FOXP2: variants seen among roughly 807,000 people sequenced by gnomAD.
FOXP2 encodes forkhead box P2.
A neutral mutation model predicts 115.8 loss-of-function variants in FOXP2; 12 were observed. The observed-to-expected ratio is 0.10, with a 90% CI of 0.07 to 0.17. The LOEUF (loss-of-function observed/expected upper bound fraction) is 0.17, where lower values mean the gene tolerates loss of function less well. Ranked by LOEUF, FOXP2 falls within the 10% of genes least tolerant of loss-of-function variation. The pLI, the probability that FOXP2 is intolerant of heterozygous loss-of-function variation, is 1.00. For missense variants in FOXP2, 629 were observed against 843.5 expected (o/e 0.75, Z 3.15); for synonymous variants, 328 against 297.7 (o/e 1.10, Z -1.05).
At chr7:114,271,964 T>TTATATATAA (rs1796067499) in intron 1 of FOXP2, among the ~76,000 whole-genome samples, 1 of 133,368 alleles carries the variant, frequency 7.5e-6, no homozygotes. Flanking sequence ...ATTATATTAA[T>TTATATATAA]TATATATAAT....
chr7:114,655,109 T>G (rs6942949), intron 10 of FOXP2, among the ~76,000 whole-genome samples: 9,227 of 152,192 alleles, frequency 0.061, 300 homozygotes, highest in South Asian at 0.096. Context: ...CTCTAAAATG[T>G]CTGAGTTTTT....
At chr7:114,605,409 G>A (rs1179767636) in intron 3 of FOXP2, among the ~76,000 whole-genome samples, 1 of 152,084 alleles carries the variant, frequency 6.6e-6, no homozygotes, top group African/African-American at 2.4e-5. Context: ...CCCCTACTAT[G>A]TGCAAAAGCA....
At chr7:114,417,868 A>T (rs1355520035) in intron 1 of FOXP2, among the ~76,000 whole-genome samples, 1 of 151,938 alleles carries the variant, frequency 6.6e-6, no homozygotes, top group African/African-American at 2.4e-5. Context: ...GCATTCTTAC[A>T]CTTGGAAATG....
intron 1 of FOXP2, among the ~76,000 whole-genome samples, chr7:114,184,995 A>G (rs1385807987): frequency 1.3e-5 from 2 of 152,154 alleles, no homozygotes; most frequent in African/African-American, 4.8e-5. Context: ...CATATGATTC[A>G]CTGCCTTCAT....
At chr7:114,090,027 GACGTTTTTGGATTTC>G (rs1255034921) in intron 1 of FOXP2, among the ~76,000 whole-genome samples, 14 of 152,018 alleles carry the variant, frequency 9.2e-5, no homozygotes, top group African/African-American at 3.4e-4. Context: ...TTTTATTTGT[GACGTTTTTGGATTTC>G]TATCTGGGTC....
chr7:114,327,636 G>A (rs1797592087), intron 2 of FOXP2, among the ~76,000 whole-genome samples: 1 of 151,650 alleles, frequency 6.6e-6, no homozygotes, highest in South Asian at 2.1e-4. Flanking sequence ...TGAATAGCTG[G>A]GACTAGAGGC....
intron 1 of FOXP2, among the ~76,000 whole-genome samples, chr7:114,133,812 T>G (rs920073318): frequency 1.3e-5 from 2 of 152,192 alleles, no homozygotes; most frequent in Non-Finnish European, 2.9e-5. Flanking sequence ...ATCCTTCAGG[T>G]CTTCCTCTCT....
At chr7:114,315,730 C>G (rs1447592499) in intron 2 of FOXP2, among the ~76,000 whole-genome samples, 1 of 152,100 alleles carries the variant, frequency 6.6e-6, no homozygotes, top group Non-Finnish European at 1.5e-5. Flanking sequence ...TGAACCATTG[C>G]TCCTCAGAGG....
chr7:114,153,487 A>T (rs1792577288), intron 1 of FOXP2, among the ~76,000 whole-genome samples: 1 of 152,144 alleles, frequency 6.6e-6, no homozygotes, highest in African/African-American at 2.4e-5. Flanking sequence ...AATTATGTTT[A>T]AATGTGTTTC....
intron 1 of FOXP2, among the ~76,000 whole-genome samples, chr7:114,100,035 G>A (rs985889657): frequency 5.3e-5 from 8 of 151,862 alleles, no homozygotes; most frequent in South Asian, 4.1e-4. Context: ...CTTTAAAAAC[G>A]CACAATAAAA....
intron 1 of FOXP2, among the ~76,000 whole-genome samples, chr7:114,094,645 C>T (rs1799606214): frequency 6.6e-6 from 1 of 152,036 alleles, no homozygotes; most frequent in Non-Finnish European, 1.5e-5. Context: ...CCCCTCTTTT[C>T]CTCTTTTAAA....
chr7:114,237,527 CAT>C (rs1795042235), intron 1 of FOXP2, among the ~76,000 whole-genome samples: 1 of 152,128 alleles, frequency 6.6e-6, no homozygotes, highest in South Asian at 2.1e-4. Flanking sequence ...TTATGGGAAA[CAT>C]AGATTAGAAA....
At chr7:114,643,433 T>C (rs1193693764) in intron 7 of FOXP2, among the ~76,000 whole-genome samples, 1 of 152,188 alleles carries the variant, frequency 6.6e-6, no homozygotes, top group Non-Finnish European at 1.5e-5. Flanking sequence ...GCCTTTTTAA[T>C]TGTTGCATGA....
chr7:114,550,306 C>T (rs1299551123), intron 3 of FOXP2, among the ~76,000 whole-genome samples: 4 of 151,708 alleles, frequency 2.6e-5, no homozygotes, highest in African/African-American at 9.7e-5. Context: ...TTAGTAGAGA[C>T]GGGGTTTCAC....
chr7:114,679,719 A>G (rs1327173664), intron 16 of FOXP2, among the ~76,000 whole-genome samples: 1 of 151,892 alleles, frequency 6.6e-6, no homozygotes, highest in Non-Finnish European at 1.5e-5. Flanking sequence ...CCTCTCTCTC[A>G]TCTCTGCATA....
intron 2 of FOXP2, among the ~76,000 whole-genome samples, chr7:114,341,124 A>G (rs1270242648): frequency 6.6e-6 from 1 of 151,284 alleles, no homozygotes; most frequent in Non-Finnish European, 1.5e-5. Flanking sequence ...TCTGAACTAT[A>G]TCATTTTAAA....
At chr7:114,244,773 T>C (rs1219504440) in intron 1 of FOXP2, among the ~76,000 whole-genome samples, 2 of 152,190 alleles carry the variant, frequency 1.3e-5, no homozygotes, top group Non-Finnish European at 2.9e-5. Context: ...TGTTTTCTTT[T>C]TTTTTTGAGA....
At chr7:114,669,406 A>T (rs1272410264) in intron 16 of FOXP2, 4 of 152,020 alleles carry the variant, frequency 2.6e-5, no homozygotes, top group Non-Finnish European at 1.5e-5. Context: ...TTTATTTTCT[A>T]TTGCTGTTCA....
chr7:114,379,794 C>A (rs1341832427), intron 2 of FOXP2, among the ~76,000 whole-genome samples: 1 of 152,118 alleles, frequency 6.6e-6, no homozygotes, highest in Non-Finnish European at 1.5e-5. Flanking sequence ...TTTGAAAAGG[C>A]CTGGTCCAGT....
Sources: gnomAD v4.1 joint callset for allele counts (sites outside exome capture counted in the v4.1 genomes callset) on GRCh38, gnomAD v4.1.1 for gene constraint, MANE v1.5 for transcripts, NCBI Gene and HGNC (gene_info 2026-07-23, HGNC 2026-07-21) for gene names.